Variants in PPP4C observed in about 807,000 individuals in gnomAD.
PPP4C encodes protein phosphatase 4 catalytic subunit.
PPP4C carries 10 observed loss-of-function variants against 40.5 expected under a neutral mutation model. The ratio of observed to expected loss-of-function variants is 0.25; its 90% CI spans 0.15 to 0.42. The LOEUF is 0.42. Ranked by LOEUF, PPP4C falls within the 10% of genes least tolerant of loss-of-function variation. The pLI is 1.00. For missense variants in PPP4C, 191 were observed against 416.4 expected, an observed-to-expected ratio of 0.46 and a Z score of 4.71; for synonymous variants, 187 against 163.6, an observed-to-expected ratio of 1.14 and a Z score of -1.09.
intron 1 of PPP4C, 104 bp downstream of exon 1, chr16:30,076,198 C>A (rs1392966839): frequency 5.4e-6 from 3 of 555,658 alleles, no homozygotes; most frequent in Non-Finnish European, 8.9e-6. Flanking sequence ...CCGGGGGGTC[C>A]TGGGGCCGAT....
At position 30,084,924 on chromosome 16, in the gene PPP4C, G is replaced by C; in HGVS notation, c.795-9G>C. The stretch of plus-strand genomic sequence containing the variant: ...GAGCTGCTCCTGACCCTGCTGCCCC[G>C]CCTTCCAGCTGTGGGAATGTGGCAG... On this transcript the variant is annotated splice_polypyrimidine_tract_variant and intron_variant, in intron 8 of 8. Coordinates refer to ENST00000279387, the MANE Select transcript of PPP4C (RefSeq NM_002720.3). The C allele has an allele frequency of 1.2e-6, 2 of 1,613,944 alleles. No homozygotes were observed. Among genetic ancestry groups the C allele is most frequent in the Non-Finnish European group, 1.7e-6 (2 of 1,179,834 alleles).
At position 30,085,364 on chromosome 16, in the gene PPP4C, G is replaced by A. The variant is rs2072604359; in HGVS notation, c.*302G>A. On this transcript the variant is annotated 3_prime_UTR_variant, in exon 9 of 9. Transcript: ENST00000279387. ...AAAAAATGAAAAAATTCTAATAAAAGAAGAAAAATGGTTTTTGGGTTTGTG... is the reference window on the plus strand; with the variant it reads ...AAAAAATGAAAAAATTCTAATAAAAAAAGAAAAATGGTTTTTGGGTTTGTG... 1 of 264,946 alleles carries A rather than the reference G, an allele frequency of 3.8e-6. No individual in the cohort carries two copies. Among genetic ancestry groups the A allele is most frequent in the Non-Finnish European group, 7.1e-6 (1 of 141,216 alleles). 16.4% of individuals were successfully genotyped at this position (264,946 alleles called of 1,614,324 possible).
chr16:30,083,915 C>T lies in PPP4C; in HGVS notation c.604+134C>T, dbSNP rs11644459. On this transcript the variant is annotated intron_variant, in intron 7 of 8. Coordinates refer to ENST00000279387, the MANE Select transcript of PPP4C (RefSeq NM_002720.3). This position sits in a 1 kb window ranked among gnomAD's most constrained non-coding sequence, Gnocchi z 6.3. Reference sequence around the variant, plus strand: ...GAACCCTGGAGGAGGAGCAGGGAGGCCTGCATGGCAGGTGCTTTGAGCACA... The same window carrying T: ...GAACCCTGGAGGAGGAGCAGGGAGGTCTGCATGGCAGGTGCTTTGAGCACA... The T allele has an allele frequency of 0.46, 628,258 of 1,352,920 alleles. 147,829 individuals carry two copies. Among genetic ancestry groups the T allele is most frequent in the African/African-American group, 0.59 (41,420 of 69,716 alleles). 83.8% of individuals were successfully genotyped at this position (1,352,920 alleles called of 1,614,324 possible). A position where few individuals can be genotyped will look rare whatever the true frequency, so the allele number is the denominator to read the frequency against.
intron 2 of PPP4C, among the ~76,000 whole-genome samples, chr16:30,080,696 A>G (rs757001997): frequency 2.0e-4 from 30 of 152,148 alleles, no homozygotes; most frequent in Non-Finnish European, 3.7e-4. Context: ...TAGTAGAGAC[A>G]GGGTTTCACC....
At position 30,076,095 on chromosome 16, in the gene PPP4C, G is replaced by T. The variant is rs2072384685; in HGVS notation, c.-64+1G>T. 1 of 471,556 alleles carries T rather than the reference G, an allele frequency of 2.1e-6. No individual in the cohort carries two copies. Among genetic ancestry groups the T allele is most frequent in the Non-Finnish European group, 3.8e-6 (1 of 264,896 alleles). 29.2% of individuals were successfully genotyped at this position (471,556 alleles called of 1,614,324 possible). A position where few individuals can be genotyped will look rare whatever the true frequency, so the allele number is the denominator to read the frequency against. ...AGCCGGAACCGGAGTCGCAGCGGCG[G>T]TAATAGTGCGAGACTCCTCTAAGTC... On this transcript the variant is annotated splice_donor_variant, in intron 1 of 8. Transcript: ENST00000279387. LOFTEE classifies it low-confidence loss of function (5UTR_SPLICE).
Position 30,083,022 on chromosome 16 carries a change from C to G in PPP4C, c.303+175C>G. The G allele has an allele frequency of 1.6e-6, 1 of 619,330 alleles. No homozygotes were observed. Among genetic ancestry groups the G allele is most frequent in the East Asian group, 2.8e-5 (1 of 35,608 alleles). 38.4% of individuals were successfully genotyped at this position (619,330 alleles called of 1,614,324 possible). On this transcript the variant is annotated intron_variant, in intron 5 of 8. Coordinates refer to ENST00000279387, the MANE Select transcript of PPP4C (RefSeq NM_002720.3). The surrounding 1 kb of genome is among the most constrained non-coding windows in gnomAD (Gnocchi z 6.3). ...GAGACTTGATGGGGGTTGAGGCCAG[C>G]GGGGCAGCATTCTGGGAGGGGCAGA...
chr16:30,077,062 G>A (rs941240011), intron 2 of PPP4C, among the ~76,000 whole-genome samples: 1 of 152,120 alleles, frequency 6.6e-6, no homozygotes, highest in African/African-American at 2.4e-5. Context: ...GTGGGAGCCT[G>A]AGAAATCGTA....
Position 30,082,645 on chromosome 16 carries a change from A to G in PPP4C, c.202-101A>G, listed in dbSNP as rs2072532664. The G allele has an allele frequency of 3.3e-6, 5 of 1,534,072 alleles. No homozygotes were observed. In the African/African-American group the frequency reaches 6.9e-5, roughly 21 times the overall value. ...CGTGGAGTGGGGGCAAGGGGCCCCA[A>G]GTTAGATGGGTGGTTGTGGAAGAAG... On this transcript the variant is annotated intron_variant, in intron 4 of 8. Coordinates refer to ENST00000279387, the MANE Select transcript of PPP4C (RefSeq NM_002720.3).
Position 30,085,200 on chromosome 16 carries a change from G to A in PPP4C, c.*138G>A. On this transcript the variant is annotated 3_prime_UTR_variant, in exon 9 of 9. Transcript: ENST00000279387. ...CCCCAAGAGGGTGCTTCGAGGGTGAGGACTTCTCTGGAGAGGCCTGGAGAC... is the reference window on the plus strand; with the variant it reads ...CCCCAAGAGGGTGCTTCGAGGGTGAAGACTTCTCTGGAGAGGCCTGGAGAC... 1 of 1,091,962 alleles carries A rather than the reference G, an allele frequency of 9.2e-7. No homozygotes were observed. The highest frequency in any genetic ancestry group is 1.3e-6 in the Non-Finnish European group (1 of 760,578). 67.6% of individuals were successfully genotyped at this position (1,091,962 alleles called of 1,614,324 possible).
chr16:30,081,414 CT>C (rs916112356), intron 3 of PPP4C, 104 bp downstream of exon 3: 88 of 935,484 alleles, frequency 9.4e-5, no homozygotes, highest in Non-Finnish European at 1.4e-4. Flanking sequence ...GCTCTTTTAT[CT>C]GTCCTTTCCC....
In PPP4C at chr16:30,076,047, AAG is replaced by A. The variant is rs2072382965; in HGVS notation, c.-108_-107del. ...GCGGCGGCGGTCGAAAGCGGAGTGAAAGAGGGAGGCAGGGAGCCGGAGAGCCG... is the reference window on the plus strand; with the variant it reads ...GCGGCGGCGGTCGAAAGCGGAGTGAAAGGGAGGCAGGGAGCCGGAGAGCCG... On this transcript the variant is annotated 5_prime_UTR_variant, in exon 1 of 9. Coordinates refer to ENST00000279387, the MANE Select transcript of PPP4C (RefSeq NM_002720.3). The A allele has an allele frequency of 5.1e-6, 2 of 394,088 alleles. No individual in the cohort carries two copies. The highest frequency in any genetic ancestry group is 9.2e-6 in the Non-Finnish European group (2 of 217,640). The allele number at this position is 394,088 out of a possible 1,614,324, so 24.4% of individuals were successfully genotyped here. A position where few individuals can be genotyped will look rare whatever the true frequency, so the allele number is the denominator to read the frequency against.
intron 2 of PPP4C, 77 bp from the exon 3 acceptor site, chr16:30,081,182 C>T (rs1180842823): frequency 6.2e-7 from 1 of 1,602,424 alleles, no homozygotes; most frequent in Non-Finnish European, 8.5e-7. Flanking sequence ...CTCATATCCT[C>T]CCCTCCCCCC....
At chr16:30,082,203 A>C (rs77231899) in intron 3 of PPP4C, among the ~76,000 whole-genome samples, 1 of 152,254 alleles carries the variant, frequency 6.6e-6, no homozygotes, top group African/African-American at 2.4e-5. Flanking sequence ...TAGTAACTTG[A>C]TTCTGGGTAC....
Position 30,076,006 on chromosome 16 carries a change from A to AGCGGCGGCGGCGGCG in PPP4C, c.-141_-127dup, listed in dbSNP as rs536280015. On this transcript the variant is annotated 5_prime_UTR_variant, in exon 1 of 9. Transcript: ENST00000279387. ...CTTCCGCGGCGGGGCCGGAAGTAGG[A>AGCGGCGGCGGCGGCG]GCGGCGGCGGCGGCGGCGGCGGCGG... 7.8e-4 allele frequency: 274 copies of AGCGGCGGCGGCGGCG among 351,846 alleles called. No individual in the cohort carries two copies. The highest frequency in any genetic ancestry group is 4.8e-3 in the African/African-American group (212 of 44,430). 21.8% of individuals were successfully genotyped at this position (351,846 alleles called of 1,614,324 possible).
intron 2 of PPP4C, among the ~76,000 whole-genome samples, chr16:30,079,913 TTTC>T (rs1166318327): frequency 6.6e-6 from 1 of 152,186 alleles, no homozygotes; most frequent in Non-Finnish European, 1.5e-5. Context: ...CCTGCTTCAA[TTTC>T]TTCATCTGTG....
At position 30,084,914 on chromosome 16, in the gene PPP4C, C is replaced by G. The variant is rs1340293654; in HGVS notation, c.795-19C>G. 6.2e-7 allele frequency: 1 copy of G among 1,613,940 alleles called. No homozygotes were observed. Among genetic ancestry groups the G allele is most frequent in the South Asian group, 1.1e-5 (1 of 91,088 alleles). On this transcript the variant is annotated intron_variant, in intron 8 of 8. Transcript: ENST00000279387. ...CATCTGAGCCGAGCTGCTCCTGACC[C>G]TGCTGCCCCGCCTTCCAGCTGTGGG...
chr16:30,081,537 G>A (rs2072506172), intron 3 of PPP4C: 1 of 414,266 alleles, frequency 2.4e-6, no homozygotes, highest in Admixed American at 3.5e-5. Context: ...TTGAGGTTAG[G>A]AGTTCGAGAC....
chr16:30,078,025 C>T (rs746542492), intron 2 of PPP4C, among the ~76,000 whole-genome samples: 2 of 152,150 alleles, frequency 1.3e-5, no homozygotes, highest in Admixed American at 6.5e-5. Flanking sequence ...TTTTAGTTGT[C>T]CCCTTTCCCT....
At chr16:30,078,978 C>T (rs1159363567) in intron 2 of PPP4C, among the ~76,000 whole-genome samples, 30 of 152,178 alleles carry the variant, frequency 2.0e-4, no homozygotes, top group Non-Finnish European at 2.9e-5. Context: ...GATTCCCAGG[C>T]CACACTGGGG....
Sources: allele counts gnomAD v4.1 joint callset (sites outside exome capture counted in the v4.1 genomes callset), GRCh38; gene constraint gnomAD v4.1.1; non-coding constraint Gnocchi (gnomAD v3.1); transcripts MANE v1.5; gene names NCBI Gene and HGNC (gene_info 2026-07-23, HGNC 2026-07-21).